Variants in FRY observed in about 807,000 individuals in gnomAD.
The protein encoded by FRY is protein furry homolog.
FRY carries 128 observed loss-of-function variants against 348.4 expected under a neutral mutation model. The observed-to-expected ratio is 0.37, with a 90% CI of 0.32 to 0.43. FRY has a LOEUF of 0.43. Among genes scored for constraint, FRY ranks in the 20% least tolerant of loss-of-function variants. FRY has a pLI of 1.00. For missense variants in FRY, 2,736 were observed against 3,695.2 expected (o/e 0.74, Z 6.73); for synonymous variants, 1,370 against 1,374.7 (o/e 1.00, Z 0.08).
rs142432447 is a variant in FRY at position 32,253,236 on chromosome 13, G to A, written c.7246-988G>A. Among the ~76,000 whole-genome samples, 661 of 152,266 alleles carry A rather than the reference G, an allele frequency of 4.3e-3. 26 individuals carry two copies. Among genetic ancestry groups the A allele is most frequent in the Admixed American group, 0.04 (607 of 15,296 alleles). ...GGCTCTTTATCTCATGTACCCATTT[G>A]CAATCCCTATGTAAAACTGTGTGTC... On this transcript the variant is annotated intron_variant, in intron 50 of 60. Transcript: ENST00000542859.
intron 54 of FRY, among the ~76,000 whole-genome samples, chr13:32,265,967 G>T (rs571314814): frequency 1.1e-4 from 16 of 152,112 alleles, no homozygotes; most frequent in Non-Finnish European, 1.8e-4. Flanking sequence ...TAAAACCCTG[G>T]AACAAGAGGC....
intron 31 of FRY, among the ~76,000 whole-genome samples, chr13:32,208,261 G>A (rs1884473110): frequency 6.6e-6 from 1 of 152,244 alleles, no homozygotes; most frequent in South Asian, 2.1e-4. Context: ...TTTCATGGAA[G>A]ACACTTTGTA....
At chr13:32,178,559 T>C (rs1352082127) in intron 21 of FRY, 123 bp downstream of exon 21, 1 of 1,129,630 alleles carries the variant, frequency 8.9e-7, no homozygotes, top group African/African-American at 1.6e-5. Context: ...TAGAGAATTC[T>C]TAACATTGAG....
intron 2 of FRY, among the ~76,000 whole-genome samples, chr13:32,094,372 G>T (rs944508603): frequency 6.6e-6 from 1 of 152,028 alleles, no homozygotes; most frequent in Non-Finnish European, 1.5e-5. Flanking sequence ...GTTCAGTTAC[G>T]CTCTTTTAGT....
At chr13:32,279,178 A>C (rs904326980) in intron 58 of FRY, among the ~76,000 whole-genome samples, 3 of 152,256 alleles carry the variant, frequency 2.0e-5, no homozygotes, top group African/African-American at 7.2e-5. Flanking sequence ...AACTGCAACA[A>C]GGACCATCAA....
At chr13:32,219,241 A>G (rs1241436120) in intron 36 of FRY, among the ~76,000 whole-genome samples, 1 of 150,026 alleles carries the variant, frequency 6.7e-6, no homozygotes, top group Non-Finnish European at 1.5e-5. Context: ...GGCACCCACC[A>G]CCACGCCCAG....
chr13:32,044,157 C>T (rs557266743), intron 1 of FRY, among the ~76,000 whole-genome samples: 2 of 152,224 alleles, frequency 1.3e-5, no homozygotes, highest in Admixed American at 6.5e-5. Context: ...TTAATGCTAT[C>T]CAACAATAGT....
intron 3 of FRY, 110 bp from the exon 4 acceptor site, chr13:32,117,224 C>T (rs929616194): frequency 3.1e-5 from 30 of 960,820 alleles, no homozygotes; most frequent in East Asian, 2.6e-4. Flanking sequence ...GACTGTGATA[C>T]GGAAGAAAAT....
At chr13:32,094,162 T>G (rs1876527728) in intron 2 of FRY, among the ~76,000 whole-genome samples, 1 of 151,758 alleles carries the variant, frequency 6.6e-6, no homozygotes, top group South Asian at 2.1e-4. Context: ...TGTGCTGCAG[T>G]AGAACTGCAA....
intron 17 of FRY, among the ~76,000 whole-genome samples, chr13:32,167,023 A>C (rs2138198398): frequency 6.6e-6 from 1 of 152,268 alleles, no homozygotes; most frequent in African/African-American, 2.4e-5. Flanking sequence ...ATGATCCTGC[A>C]TTGTGGGTTT....
chr13:32,045,225 C>CT (rs896086502), intron 1 of FRY, among the ~76,000 whole-genome samples: 3 of 152,300 alleles, frequency 2.0e-5, no homozygotes, highest in African/African-American at 7.2e-5. Context: ...AGAAACTAGA[C>CT]TTTTTTTCAA....
At chr13:32,066,220 G>A (rs1371463711) in intron 1 of FRY, among the ~76,000 whole-genome samples, 1 of 152,136 alleles carries the variant, frequency 6.6e-6, no homozygotes, top group Non-Finnish European at 1.5e-5. Flanking sequence ...CCTATAGAAC[G>A]AACCTACTTC....
chr13:32,273,389 A>AT lies in FRY; in HGVS notation c.8137-1447dup, dbSNP rs528635193. Reference sequence around the variant, plus strand: ...AGGCGCCCACCACCTCGCCCGGCTAATTTTTTGTATTTTTAGTAGAGACGG... The same window carrying AT: ...AGGCGCCCACCACCTCGCCCGGCTAATTTTTTTGTATTTTTAGTAGAGACGG... On this transcript the variant is annotated intron_variant, in intron 55 of 60. Transcript: ENST00000542859. Among the ~76,000 whole-genome samples, 237 of 151,690 alleles carry AT rather than the reference A, an allele frequency of 1.6e-3. 2 individuals are homozygous for AT. The highest frequency in any genetic ancestry group is 0.014 in the South Asian group (66 of 4,780).
intron 20 of FRY, among the ~76,000 whole-genome samples, chr13:32,175,920 T>G (rs1882330820): frequency 6.6e-6 from 1 of 152,234 alleles, no homozygotes; most frequent in Non-Finnish European, 1.5e-5. Flanking sequence ...TTCATTGTAC[T>G]TATCACTTAA....
rs1309981171 is a variant in FRY at position 32,209,042 on chromosome 13, G to A, written c.4208G>A (p.Gly1403Glu). The A allele has an allele frequency of 6.2e-7, 1 of 1,614,150 alleles. No homozygotes were observed. The highest frequency in any genetic ancestry group is 8.5e-7 in the Non-Finnish European group (1 of 1,180,030). ...GDVTASHGLR[G>E]NGWGSPEATS... is the part of the protein sequence containing the mutation. Reference sequence around the variant, plus strand: ...GTGACTGCTTCTCACGGGCTGAGAGGAAATGGCTGGGGCTCTCCAGAAGCC... The same window carrying A: ...GTGACTGCTTCTCACGGGCTGAGAGAAAATGGCTGGGGCTCTCCAGAAGCC... The change falls in exon 32 of 61, where the codon GGA (glycine) becomes GAA (glutamate). Residue 1403 changes from glycine (G) to glutamate (E), a missense_variant. Physicochemically the swap from Gly to Glu is moderately conservative, Grantham distance 98 (BLOSUM62 -2). Transcript: ENST00000542859.
intron 1 of FRY, among the ~76,000 whole-genome samples, chr13:32,062,257 AAG>A (rs1873986153): frequency 6.6e-6 from 1 of 151,852 alleles, no homozygotes; most frequent in Non-Finnish European, 1.5e-5. Context: ...GTATTTGGAA[AAG>A]GTTGCATCAT....
intron 40 of FRY, among the ~76,000 whole-genome samples, chr13:32,230,579 T>C (rs1042784286): frequency 2.0e-5 from 3 of 152,228 alleles, no homozygotes; most frequent in Non-Finnish European, 4.4e-5. Flanking sequence ...TTGGGCTGAT[T>C]CCGTGTCTTT....
intron 55 of FRY, among the ~76,000 whole-genome samples, chr13:32,268,508 ATATATAT>A (rs1566182670): frequency 0.11 from 2,128 of 20,144 alleles, 82 homozygotes; most frequent in South Asian, 0.21. Flanking sequence ...AAAAAAAAAT[ATATATAT>A]ATATATATAT....
intron 17 of FRY, among the ~76,000 whole-genome samples, chr13:32,167,872 A>T (rs1328110876): frequency 6.6e-6 from 1 of 152,186 alleles, no homozygotes; most frequent in African/African-American, 2.4e-5. Context: ...CAAACCATGG[A>T]CTGCAGAGAT....
Sources: allele counts gnomAD v4.1 joint callset (sites outside exome capture counted in the v4.1 genomes callset), GRCh38; gene constraint gnomAD v4.1.1; transcripts MANE v1.5; gene names NCBI Gene and HGNC (gene_info 2026-07-23, HGNC 2026-07-21).